The following TRPC5 variants were observed in gnomAD, a reference collection of about 807,000 sequenced individuals.
TRPC5 encodes the protein short transient receptor potential channel 5.
TRPC5 carries 9 observed loss-of-function variants against 56.5 expected under a neutral mutation model. The observed-to-expected ratio is 0.16, with a 90% CI of 0.10 to 0.28. TRPC5 has a LOEUF of 0.28. Ranked by LOEUF, TRPC5 falls within the 10% of genes least tolerant of loss-of-function variation. The probability of loss-of-function intolerance (pLI) is 1.00; values close to 1 mark genes in which losing one functional copy is unlikely to be tolerated. For synonymous variants in TRPC5, 282 were observed against 278.5 expected, an observed-to-expected ratio of 1.01 and a Z score of -0.13; for missense variants, 469 against 748.9, an observed-to-expected ratio of 0.63 and a Z score of 4.36.
Position 111,847,142 on chromosome X carries a change from A to G in TRPC5, c.1672T>C (p.Cys558Arg). ...DEPNNCKGIR[C>R]EKQNNAFSTL... The stretch of plus-strand genomic sequence containing the variant: ...GAGAAGGCATTGTTCTGTTTCTCAC[A>G]TCGGATCCCCTTGCAGTTGTTAGGC... The change falls in exon 6 of 11, where the codon TGT becomes CGT. Residue 558 changes from cysteine to arginine, a missense_variant. Coordinates refer to ENST00000262839, the MANE Select transcript of TRPC5 (RefSeq NM_012471.3). 1 of 1,211,918 alleles carries G rather than the reference A, an allele frequency of 8.3e-7. No homozygotes were observed. Among genetic ancestry groups the G allele is most frequent in the Non-Finnish European group, 1.1e-6 (1 of 895,460 alleles).
chrX:112,065,275 C>T (rs1017881819), intron 1 of TRPC5, among the ~76,000 whole-genome samples: 2 of 111,180 alleles, frequency 1.8e-5, no homozygotes, highest in African/African-American at 6.5e-5. Flanking sequence ...ACTCAACATA[C>T]TCAATACCAA....
At chrX:111,785,427 A>G (rs1210876757) in intron 7 of TRPC5, among the ~76,000 whole-genome samples, 1 of 111,990 alleles carries the variant, frequency 8.9e-6, no homozygotes, top group Admixed American at 9.5e-5. Context: ...TTCAAAGACC[A>G]AAGGTAGATA....
Position 111,912,624 on chromosome X carries a change from G to C in TRPC5, c.567C>G (p.Ser189Arg). ...VECVSSSEVD[S>R]LRHSRSRLNI... is the part of the protein sequence containing the mutation. ...TCAGTCGGGAGCGAGAGTGGCGCAGGCTGTCTACCTCTGAACTAGACACAC... is the reference window on the plus strand; with the variant it reads ...TCAGTCGGGAGCGAGAGTGGCGCAGCCTGTCTACCTCTGAACTAGACACAC... The change falls in exon 3 of 11, where the codon AGC becomes AGG. Residue 189 changes from serine to arginine, a missense_variant. Physicochemically the swap from Ser to Arg is moderately radical, Grantham distance 110. Transcript: ENST00000262839. The C allele has an allele frequency of 8.3e-7, 1 of 1,211,326 alleles. No homozygotes were observed. The highest frequency in any genetic ancestry group is 1.1e-6 in the Non-Finnish European group (1 of 895,374).
chrX:111,833,711 C>A (rs1922478140), intron 7 of TRPC5, among the ~76,000 whole-genome samples: 1 of 110,728 alleles, frequency 9.0e-6, no homozygotes, highest in Non-Finnish European at 1.9e-5. Context: ...AAGACATGGA[C>A]AATGTGCATG....
chrX:111,867,557 C>T (rs772168992), intron 3 of TRPC5, among the ~76,000 whole-genome samples: 1 of 111,971 alleles, frequency 8.9e-6, no homozygotes, highest in Non-Finnish European at 1.9e-5. Flanking sequence ...CCTTGTGTTA[C>T]ATGTACTTCT....
intron 1 of TRPC5, among the ~76,000 whole-genome samples, chrX:111,974,470 T>C (rs1244677643): frequency 4.5e-5 from 5 of 111,906 alleles, no homozygotes; most frequent in Non-Finnish European, 7.5e-5. Flanking sequence ...TTTTCAGAAC[T>C]CTGGAAATTA....
intron 3 of TRPC5, chrX:111,902,336 A>G: frequency 5.2e-6 from 2 of 381,839 alleles, no homozygotes; most frequent in Admixed American, 5.4e-5. Flanking sequence ...GTGAGATTTG[A>G]TTTACTTCTA....
At chrX:112,042,812 T>TG (rs888508595) in intron 1 of TRPC5, among the ~76,000 whole-genome samples, 1 of 86,511 alleles carries the variant, frequency 1.2e-5, no homozygotes, top group African/African-American at 4.5e-5. Context: ...TTAGCTATAT[T>TG]TTTTTTTTTT....
chrX:111,829,114 C>T (rs62612006), intron 7 of TRPC5, among the ~76,000 whole-genome samples: 157 of 109,144 alleles, frequency 1.4e-3, no homozygotes, highest in Non-Finnish European at 2.4e-3. Flanking sequence ...CCAGCCTGGC[C>T]AACATAGTGA....
At chrX:111,913,447 C>T (rs964409845) in intron 2 of TRPC5, among the ~76,000 whole-genome samples, 1 of 110,621 alleles carries the variant, frequency 9.0e-6, no homozygotes, top group Non-Finnish European at 1.9e-5. Context: ...AAAGATGATT[C>T]GTTAGGGTCA....
intron 1 of TRPC5, among the ~76,000 whole-genome samples, chrX:112,017,977 G>A (rs1224580918): frequency 1.8e-5 from 2 of 112,242 alleles, no homozygotes; most frequent in Non-Finnish European, 3.8e-5. Context: ...AAAAAAGAAT[G>A]CCTAATATCT....
intron 7 of TRPC5, among the ~76,000 whole-genome samples, chrX:111,794,352 G>A (rs964241143): frequency 9.0e-6 from 1 of 111,372 alleles, no homozygotes; most frequent in Non-Finnish European, 1.9e-5. Context: ...TAGCTATATA[G>A]TAACTGTTGA....
At chrX:111,784,275 A>C (rs1233076865) in intron 7 of TRPC5, among the ~76,000 whole-genome samples, 1 of 112,558 alleles carries the variant, frequency 8.9e-6, no homozygotes, top group Admixed American at 9.4e-5. Flanking sequence ...AAACCAAGTG[A>C]CAAAAGAAAA....
intron 5 of TRPC5, among the ~76,000 whole-genome samples, chrX:111,849,765 C>A (rs1177652217): frequency 8.9e-6 from 1 of 111,962 alleles, no homozygotes; most frequent in Non-Finnish European, 1.9e-5. Flanking sequence ...CACCACTGAT[C>A]TAGTTTAACC....
At chrX:111,856,668 T>A (rs1207183835) in intron 3 of TRPC5, among the ~76,000 whole-genome samples, 1 of 107,006 alleles carries the variant, frequency 9.3e-6, no homozygotes, top group African/African-American at 3.4e-5. Flanking sequence ...ATACAAAAAT[T>A]AGCTGGGCAT....
chrX:111,965,737 C>T (rs892934072), intron 1 of TRPC5, among the ~76,000 whole-genome samples: 15 of 111,620 alleles, frequency 1.3e-4, no homozygotes, highest in African/African-American at 4.2e-4. Flanking sequence ...GGGTACATAA[C>T]GAAATGAAGG....
chrX:112,035,951 A>G (rs933538292), intron 1 of TRPC5, among the ~76,000 whole-genome samples: 3 of 106,335 alleles, frequency 2.8e-5, no homozygotes, highest in African/African-American at 1.1e-4. Context: ...TATGTTATAC[A>G]CACACACATA....
At chrX:111,806,156 A>G (rs1282672781) in intron 7 of TRPC5, among the ~76,000 whole-genome samples, 1 of 112,108 alleles carries the variant, frequency 8.9e-6, no homozygotes, top group Admixed American at 9.5e-5. Flanking sequence ...GTAAAAGAGT[A>G]ATTTGTATAT....
Position 111,857,766 on chromosome X carries a change from T to C in TRPC5, c.901-3660A>G, listed in dbSNP as rs750689119. ...CACACAAACAGGCAGCAAATTGTAG[T>C]TTGCCAAACTCTGTCCTATGCTACT... On this transcript the variant is annotated intron_variant, in intron 3 of 10. Coordinates refer to ENST00000262839, the MANE Select transcript of TRPC5 (RefSeq NM_012471.3). 3.6e-5 allele frequency among the ~76,000 whole-genome samples: 4 copies of C among 112,392 alleles called. No individual in the cohort carries two copies. The East Asian group carries it at 1.1e-3, about 32-fold the overall frequency.
Sources: allele counts gnomAD v4.1 joint callset (sites outside exome capture counted in the v4.1 genomes callset), GRCh38; gene constraint gnomAD v4.1.1; transcripts MANE v1.5; gene names NCBI Gene and HGNC (gene_info 2026-07-23, HGNC 2026-07-21).